Variants in MGAT4C observed in about 807,000 individuals in gnomAD.
MGAT4C encodes the protein alpha-1,3-mannosyl-glycoprotein 4-beta-N-acetylglucosaminyltransferase C.
MGAT4C carries 19 observed loss-of-function variants against 40.1 expected under a neutral mutation model. The ratio of observed to expected loss-of-function variants is 0.47; its 90% CI spans 0.33 to 0.70. The LOEUF is 0.70. Among genes scored for constraint, MGAT4C ranks in the 30% least tolerant of loss-of-function variants. The pLI is 0.02. For synonymous variants in MGAT4C, 181 were observed against 187.1 expected (o/e 0.97, Z 0.27); for missense variants, 491 against 563.2 (o/e 0.87, Z 1.30).
At chr12:86,510,558 G>T (rs931889976) in intron 2 of MGAT4C, among the ~76,000 whole-genome samples, 2 of 152,144 alleles carry the variant, frequency 1.3e-5, no homozygotes. Context: ...ATTGGATGAA[G>T]AGTCAAGACC....
At chr12:86,457,425 T>G (rs947338006) in intron 2 of MGAT4C, among the ~76,000 whole-genome samples, 6 of 152,128 alleles carry the variant, frequency 3.9e-5, no homozygotes, top group Non-Finnish European at 7.4e-5. Context: ...AATAGACTTT[T>G]TAATTGTCTC....
intron 2 of MGAT4C, among the ~76,000 whole-genome samples, chr12:86,529,254 T>C (rs930277600): frequency 4.6e-5 from 7 of 152,116 alleles, no homozygotes; most frequent in Non-Finnish European, 1.0e-4. Flanking sequence ...TCATGTGTAA[T>C]TGAATAAAGT....
chr12:86,667,024 T>C (rs1964126670), intron 2 of MGAT4C, among the ~76,000 whole-genome samples: 1 of 152,236 alleles, frequency 6.6e-6, no homozygotes, highest in African/African-American at 2.4e-5. Flanking sequence ...ACTTTGACCA[T>C]GTGACATGCA....
In MGAT4C at chr12:86,110,304, A is replaced by C. The variant is rs865807528; in HGVS notation, c.-56-60581T>G. ...GTCTATATATATATAGTCTCTCTAT[A>C]TATATATATATATAGTCTCTCTCTC... On this transcript the variant is annotated intron_variant, in intron 1 of 4. Coordinates refer to ENST00000611864, the MANE Select transcript of MGAT4C (RefSeq NM_001351288.2). Among the ~76,000 whole-genome samples the C allele has an allele frequency of 1.0e-3, 102 of 101,376 alleles. 7 individuals carry two copies. Among genetic ancestry groups the C allele is most frequent in the African/African-American group, 3.6e-3 (76 of 21,018 alleles). 66.5% of individuals were successfully genotyped at this position (101,376 alleles called of 152,430 possible).
chr12:86,358,074 A>T (rs1011745591), intron 3 of MGAT4C, among the ~76,000 whole-genome samples: 6 of 152,202 alleles, frequency 3.9e-5, no homozygotes, highest in Non-Finnish European at 8.8e-5. Context: ...AAGGGCAGCC[A>T]GAGAGAAAGG....
intron 2 of MGAT4C, among the ~76,000 whole-genome samples, chr12:86,654,723 T>C (rs1049767815): frequency 8.7e-5 from 10 of 114,816 alleles, no homozygotes; most frequent in African/African-American, 2.4e-4. Flanking sequence ...CCCTGTACCT[T>C]TTTTTTTTTT....
At chr12:86,295,424 C>G (rs1953640587) in intron 4 of MGAT4C, among the ~76,000 whole-genome samples, 1 of 152,150 alleles carries the variant, frequency 6.6e-6, no homozygotes. Context: ...GTTCATTCCT[C>G]CTGGTGGGCT....
chr12:86,147,431 C>T (rs533693619), intron 1 of MGAT4C, among the ~76,000 whole-genome samples: 1 of 152,132 alleles, frequency 6.6e-6, no homozygotes, highest in East Asian at 1.9e-4. Context: ...TTAGTAGAGA[C>T]GGGGTTTCAC....
At chr12:86,405,808 A>G (rs1393496188) in intron 3 of MGAT4C, among the ~76,000 whole-genome samples, 5 of 150,912 alleles carry the variant, frequency 3.3e-5, no homozygotes, top group African/African-American at 1.2e-4. Context: ...TAATTTACAC[A>G]GATATATCCA....
chr12:86,659,927 AT>A (rs1232630828), intron 2 of MGAT4C, among the ~76,000 whole-genome samples: 1 of 151,420 alleles, frequency 6.6e-6, no homozygotes, highest in Non-Finnish European at 1.5e-5. Flanking sequence ...GAGCAGGGTG[AT>A]TAAAAAAAAA....
chr12:86,361,366 C>T (rs919994747), intron 3 of MGAT4C, among the ~76,000 whole-genome samples: 1 of 152,096 alleles, frequency 6.6e-6, no homozygotes, highest in Non-Finnish European at 1.5e-5. Context: ...AATGTTAGAC[C>T]TAAAACCATA....
At chr12:86,633,038 T>G (rs1481791817) in intron 2 of MGAT4C, among the ~76,000 whole-genome samples, 3 of 151,938 alleles carry the variant, frequency 2.0e-5, no homozygotes, top group Non-Finnish European at 4.4e-5. Context: ...ATTTTATACA[T>G]ATATACCAAA....
At chr12:86,069,912 A>T (rs1385848186) in intron 1 of MGAT4C, among the ~76,000 whole-genome samples, 1 of 152,068 alleles carries the variant, frequency 6.6e-6, no homozygotes, top group Non-Finnish European at 1.5e-5. Flanking sequence ...GTTTTTCTAC[A>T]CAAAATTAAA....
intron 2 of MGAT4C, among the ~76,000 whole-genome samples, chr12:86,040,734 CAAACAA>C (rs1050275249): frequency 3.4e-5 from 4 of 119,332 alleles, no homozygotes; most frequent in African/African-American, 1.3e-4. Context: ...AACAAACAAA[CAAACAA>C]AAAAAAAACT....
At chr12:86,506,746 C>A (rs1958478727) in intron 2 of MGAT4C, among the ~76,000 whole-genome samples, 1 of 152,144 alleles carries the variant, frequency 6.6e-6, no homozygotes, top group African/African-American at 2.4e-5. Context: ...ATGATATCAT[C>A]AAAATCCAGA....
At chr12:86,131,437 T>C (rs1205774574) in intron 1 of MGAT4C, among the ~76,000 whole-genome samples, 3 of 152,134 alleles carry the variant, frequency 2.0e-5, no homozygotes, top group Non-Finnish European at 4.4e-5. Context: ...ATTACATATT[T>C]CTTGAAGTAC....
At chr12:86,316,351 C>T (rs1592688020) in intron 4 of MGAT4C, among the ~76,000 whole-genome samples, 2 of 152,266 alleles carry the variant, frequency 1.3e-5, no homozygotes, top group Middle Eastern at 6.8e-3. Flanking sequence ...TTCAGCACAG[C>T]AATCCAATTA....
chr12:86,822,434 TA>T (rs1467976614), intron 1 of MGAT4C, among the ~76,000 whole-genome samples: 4 of 151,206 alleles, frequency 2.6e-5, no homozygotes, highest in African/African-American at 9.7e-5. Context: ...TAGACCTATC[TA>T]AATGCTGTCT....
At chr12:86,639,214 G>A (rs1963308975) in intron 2 of MGAT4C, among the ~76,000 whole-genome samples, 2 of 151,498 alleles carry the variant, frequency 1.3e-5, no homozygotes, top group African/African-American at 2.4e-5. Context: ...AAATCCATCT[G>A]ATAATGAAGA....
Sources: allele counts gnomAD v4.1 joint callset (sites outside exome capture counted in the v4.1 genomes callset), GRCh38; gene constraint gnomAD v4.1.1; transcripts MANE v1.5; gene names NCBI Gene and HGNC (gene_info 2026-07-23, HGNC 2026-07-21).